Variants in MALRD1 observed in about 807,000 individuals in gnomAD.
The protein encoded by MALRD1 is MAM and LDL receptor class A domain containing 1.
A neutral mutation model predicts 242.1 loss-of-function variants in MALRD1; 247 were observed. The ratio of observed to expected loss-of-function variants is 1.02; its 90% CI spans 0.92 to 1.13. MALRD1 has a LOEUF of 1.13. Ranked by LOEUF, MALRD1 falls within the 50% of genes most tolerant of loss-of-function variation. The probability of loss-of-function intolerance (pLI) is 0.00; values close to 1 mark genes in which losing one functional copy is unlikely to be tolerated. For missense variants in MALRD1, 2,989 were observed against 2,533.1 expected, an observed-to-expected ratio of 1.18 and a Z score of -3.86; for synonymous variants, 995 against 866.6, an observed-to-expected ratio of 1.15 and a Z score of -2.60.
intron 38 of MALRD1, among the ~76,000 whole-genome samples, chr10:19,703,231 T>C (rs1392090194): frequency 1.3e-5 from 2 of 152,230 alleles, no homozygotes; most frequent in Non-Finnish European, 2.9e-5. Flanking sequence ...ATTCTTCATC[T>C]GCCTCTCATC....
intron 31 of MALRD1, among the ~76,000 whole-genome samples, chr10:19,502,947 CTTT>C (rs1212255976): frequency 6.6e-6 from 1 of 151,870 alleles, no homozygotes; most frequent in South Asian, 2.1e-4. Flanking sequence ...ATTAATTTTT[CTTT>C]TTTGAACTTT....
At chr10:19,632,669 G>A (rs1283989687) in intron 36 of MALRD1, among the ~76,000 whole-genome samples, 1 of 151,664 alleles carries the variant, frequency 6.6e-6, no homozygotes. Context: ...TTACATGCTG[G>A]GCCCAGAGCT....
At chr10:19,636,115 A>G (rs1335248095) in intron 36 of MALRD1, among the ~76,000 whole-genome samples, 2 of 152,122 alleles carry the variant, frequency 1.3e-5, no homozygotes, top group African/African-American at 4.8e-5. Flanking sequence ...AAGTAATACA[A>G]ATTACCTATA....
At chr10:19,585,585 T>G (rs908600878) in intron 33 of MALRD1, among the ~76,000 whole-genome samples, 1 of 152,156 alleles carries the variant, frequency 6.6e-6, no homozygotes, top group African/African-American at 2.4e-5. Context: ...GAGTTTCTGC[T>G]GAGAGATCTG....
At chr10:19,209,198 A>G in intron 17 of MALRD1, 70 bp from the exon 18 acceptor site, 1 of 1,321,322 alleles carries the variant, frequency 7.6e-7, no homozygotes, top group Non-Finnish European at 1.0e-6. Flanking sequence ...TTAAATATTA[A>G]TAAATAGAAT....
chr10:19,684,526 C>T (rs755424816), intron 36 of MALRD1, among the ~76,000 whole-genome samples: 4 of 152,132 alleles, frequency 2.6e-5, no homozygotes, highest in Non-Finnish European at 5.9e-5. Context: ...GAGGCTGGGG[C>T]AGATGAACCA....
At chr10:19,587,452 A>G (rs577794531) in intron 33 of MALRD1, among the ~76,000 whole-genome samples, 128 of 152,264 alleles carry the variant, frequency 8.4e-4, no homozygotes, top group African/African-American at 2.9e-3. Context: ...AAAACAGACA[A>G]TTTTCCTTTT....
intron 38 of MALRD1, among the ~76,000 whole-genome samples, chr10:19,730,055 TAAGTA>T (rs963987619): frequency 6.6e-6 from 1 of 152,130 alleles, no homozygotes; most frequent in Non-Finnish European, 1.5e-5. Context: ...TATTAATTCT[TAAGTA>T]AAGTATAAAA....
intron 13 of MALRD1, among the ~76,000 whole-genome samples, chr10:19,172,519 G>C (rs752102402): frequency 2.0e-5 from 3 of 151,514 alleles, no homozygotes; most frequent in Non-Finnish European, 4.4e-5. Flanking sequence ...AAGGAACCTG[G>C]TGGGTCCCTT....
At chr10:19,594,563 G>T (rs1255523501) in intron 33 of MALRD1, among the ~76,000 whole-genome samples, 1 of 152,096 alleles carries the variant, frequency 6.6e-6, no homozygotes, top group Non-Finnish European at 1.5e-5. Flanking sequence ...ATTCACAGTT[G>T]CAAAGATATG....
chr10:19,232,300 G>A (rs1838115790), intron 18 of MALRD1, among the ~76,000 whole-genome samples: 1 of 151,284 alleles, frequency 6.6e-6, no homozygotes, highest in Non-Finnish European at 1.5e-5. Context: ...CCAAGTAGCT[G>A]GGATTATAGG....
At chr10:19,471,661 TA>T (rs1321607777) in intron 29 of MALRD1, among the ~76,000 whole-genome samples, 7 of 67,906 alleles carry the variant, frequency 1.0e-4, no homozygotes, top group African/African-American at 4.1e-4. Context: ...CACCTCTGCT[TA>T]ATTTTTTTTT....
chr10:19,404,249 T>C (rs921409841), intron 28 of MALRD1, among the ~76,000 whole-genome samples: 3 of 152,056 alleles, frequency 2.0e-5, no homozygotes, highest in Admixed American at 6.6e-5. Context: ...AGAATGCACT[T>C]ATGCTTTTTT....
chr10:19,351,306 T>A (rs1402649321), intron 25 of MALRD1, among the ~76,000 whole-genome samples: 1 of 152,176 alleles, frequency 6.6e-6, no homozygotes, highest in Non-Finnish European at 1.5e-5. Flanking sequence ...TCCAGACTTT[T>A]TTCACTGTGT....
chr10:19,695,456 T>A (rs753099976), intron 38 of MALRD1, among the ~76,000 whole-genome samples: 1 of 151,720 alleles, frequency 6.6e-6, no homozygotes, highest in Non-Finnish European at 1.5e-5. Flanking sequence ...CAGTTTCATA[T>A]GGCTGGGGAG....
At chr10:19,409,577 C>G (rs191393581) in intron 28 of MALRD1, among the ~76,000 whole-genome samples, 1 of 152,048 alleles carries the variant, frequency 6.6e-6, no homozygotes, top group Non-Finnish European at 1.5e-5. Context: ...TATTATCAAT[C>G]CTTGTGGTAA....
intron 12 of MALRD1, among the ~76,000 whole-genome samples, 191 bp from the exon 13 acceptor site, chr10:19,165,446 G>A (rs1224127367): frequency 6.6e-6 from 1 of 151,292 alleles, no homozygotes; most frequent in Non-Finnish European, 1.5e-5. Flanking sequence ...GGGATTACAC[G>A]CATGCACCAC....
At chr10:19,672,460 C>G (rs1267624747) in intron 36 of MALRD1, among the ~76,000 whole-genome samples, 4 of 141,386 alleles carry the variant, frequency 2.8e-5, no homozygotes, top group Non-Finnish European at 6.0e-5. Flanking sequence ...GTCTCTCTCT[C>G]TCACCTAGGC....
At chr10:19,622,660 A>AAAC (rs1554815722) in intron 36 of MALRD1, among the ~76,000 whole-genome samples, 1 of 150,836 alleles carries the variant, frequency 6.6e-6, no homozygotes, top group African/African-American at 2.4e-5. Context: ...AAAAAAAAAA[A>AAAC]CAAACTATGA....
Sources: allele counts gnomAD v4.1 joint callset (sites outside exome capture counted in the v4.1 genomes callset), GRCh38; gene constraint gnomAD v4.1.1; transcripts MANE v1.5; gene names NCBI Gene and HGNC (gene_info 2026-07-23, HGNC 2026-07-21).